The following BCAR3 variants were observed in gnomAD, a reference collection of about 807,000 sequenced individuals.
BCAR3 encodes the protein BCAR3 adaptor protein, NSP family member.
A neutral mutation model predicts 80.1 loss-of-function variants in BCAR3; 37 were observed. The observed-to-expected ratio is 0.46, with a 90% CI of 0.36 to 0.61. BCAR3 has a LOEUF of 0.61. BCAR3 is among the 20% of genes least tolerant of loss of function. The probability of loss-of-function intolerance (pLI) is 0.00; values close to 1 mark genes in which losing one functional copy is unlikely to be tolerated. For missense variants in BCAR3, 978 were observed against 1,068.2 expected, an observed-to-expected ratio of 0.92 and a Z score of 1.18; for synonymous variants, 389 against 418.9, an observed-to-expected ratio of 0.93 and a Z score of 0.87.
At chr1:93,676,309 G>A (rs1307557573) in intron 1 of BCAR3, among the ~76,000 whole-genome samples, 5 of 152,184 alleles carry the variant, frequency 3.3e-5, no homozygotes, top group African/African-American at 7.2e-5. Context: ...ACATTAGAGT[G>A]TGTAAAGAAA....
intron 3 of BCAR3, among the ~76,000 whole-genome samples, chr1:93,691,126 A>G (rs1206387839): frequency 6.6e-6 from 1 of 152,202 alleles, no homozygotes; most frequent in Non-Finnish European, 1.5e-5. Context: ...AGCAAATTAC[A>G]TAGCAGAGCC....
intron 2 of BCAR3, among the ~76,000 whole-genome samples, chr1:93,659,330 G>T (rs530868927): frequency 1.3e-5 from 2 of 151,920 alleles, no homozygotes; most frequent in African/African-American, 4.8e-5. Context: ...GACTACAATC[G>T]CATGCCACCA....
chr1:93,818,149 T>C (rs2100814612), intron 2 of BCAR3, among the ~76,000 whole-genome samples: 1 of 152,370 alleles, frequency 6.6e-6, no homozygotes, highest in South Asian at 2.1e-4. Flanking sequence ...TATAAGCTCT[T>C]TGAGTGCCAA....
chr1:93,756,816 CAG>C (rs1651763800), intron 2 of BCAR3, among the ~76,000 whole-genome samples: 1 of 152,212 alleles, frequency 6.6e-6, no homozygotes, highest in Admixed American at 6.5e-5. Flanking sequence ...CAACAGCACT[CAG>C]AGAGTCTCAT....
At chr1:93,659,572 T>C (rs965124031) in intron 2 of BCAR3, among the ~76,000 whole-genome samples, 10 of 151,904 alleles carry the variant, frequency 6.6e-5, no homozygotes, top group Admixed American at 6.6e-4. Context: ...ATATATTATA[T>C]ATATGGTTAC....
At chr1:93,762,451 T>G (rs759745917) in intron 2 of BCAR3, among the ~76,000 whole-genome samples, 14 of 152,238 alleles carry the variant, frequency 9.2e-5, no homozygotes, top group Middle Eastern at 3.4e-3. Flanking sequence ...TGAGAGCTCG[T>G]GTACACCCAG....
chr1:93,611,425 G>A (rs544161999), intron 3 of BCAR3, among the ~76,000 whole-genome samples: 1 of 152,286 alleles, frequency 6.6e-6, no homozygotes, highest in South Asian at 2.1e-4. Context: ...TCCATTACAA[G>A]TTTCTTTCCA....
intron 2 of BCAR3, among the ~76,000 whole-genome samples, chr1:93,707,145 A>C (rs892636739): frequency 5.9e-5 from 9 of 152,182 alleles, no homozygotes; most frequent in African/African-American, 2.2e-4. Flanking sequence ...ATTACACTAC[A>C]GCCTAGGTGA....
intron 2 of BCAR3, among the ~76,000 whole-genome samples, chr1:93,735,966 A>C (rs1023947592): frequency 2.6e-5 from 4 of 152,192 alleles, no homozygotes; most frequent in African/African-American, 9.7e-5. Flanking sequence ...TTCCTAAATA[A>C]GGTATTTGGA....
chr1:93,752,618 C>T (rs997832553), intron 2 of BCAR3, among the ~76,000 whole-genome samples: 2 of 152,208 alleles, frequency 1.3e-5, no homozygotes, highest in Non-Finnish European at 2.9e-5. Flanking sequence ...GGTATCATTG[C>T]TCTCATTTGC....
rs979486582 is a variant in BCAR3, at chr1:93,614,065, G to A, written c.358-21672C>T. ...GAAGTCAGGGAAGTCGGCAGCCGGG[G>A]GAGTGAGTCGGCTCCTTCTCCCAGG... On this transcript the variant is annotated intron_variant, in intron 3 of 11. Transcript: ENST00000260502. 32 of 1,439,712 alleles carry A rather than the reference G, an allele frequency of 2.2e-5. No homozygotes were observed. In the East Asian group the frequency reaches 7.9e-4, roughly 35 times the overall value. The allele number at this position is 1,439,712 out of a possible 1,614,324, so 89.2% of individuals were successfully genotyped here. A position where few individuals can be genotyped will look rare whatever the true frequency, so the allele number is the denominator to read the frequency against.
At chr1:93,577,028 C>T (rs1328188351) in intron 7 of BCAR3, among the ~76,000 whole-genome samples, 1 of 152,136 alleles carries the variant, frequency 6.6e-6, no homozygotes, top group African/African-American at 2.4e-5. Flanking sequence ...GTGGTGTGTG[C>T]CTGCAGTCCT....
chr1:93,672,253 C>G (rs951499700), intron 2 of BCAR3, among the ~76,000 whole-genome samples: 4 of 152,300 alleles, frequency 2.6e-5, no homozygotes, highest in Admixed American at 6.5e-5. Flanking sequence ...GGCAGCTTGA[C>G]AGCTTGGACC....
chr1:93,767,428 G>A (rs890720195), intron 2 of BCAR3, among the ~76,000 whole-genome samples: 3 of 151,922 alleles, frequency 2.0e-5, no homozygotes, highest in African/African-American at 7.3e-5. Flanking sequence ...GGAGACTGAG[G>A]TGGGAGGATC....
At chr1:93,700,008 G>A (rs892848743) in intron 3 of BCAR3, among the ~76,000 whole-genome samples, 5 of 152,058 alleles carry the variant, frequency 3.3e-5, no homozygotes, top group Admixed American at 3.3e-4. Context: ...ATGAGCCCAG[G>A]GAGGTGAGGG....
intron 2 of BCAR3, among the ~76,000 whole-genome samples, chr1:93,775,624 A>G (rs1336840806): frequency 1.3e-5 from 2 of 152,204 alleles, no homozygotes; most frequent in African/African-American, 4.8e-5. Flanking sequence ...AATCACTGGA[A>G]AAAAAGTGCC....
At chr1:93,693,115 A>G (rs1321128828) in intron 3 of BCAR3, among the ~76,000 whole-genome samples, 1 of 152,102 alleles carries the variant, frequency 6.6e-6, no homozygotes, top group Non-Finnish European at 1.5e-5. Flanking sequence ...ACTGACTCAG[A>G]ACCCACATTT....
intron 2 of BCAR3, among the ~76,000 whole-genome samples, chr1:93,837,143 G>A (rs980323756): frequency 2.0e-5 from 3 of 152,160 alleles, no homozygotes; most frequent in African/African-American, 7.2e-5. Flanking sequence ...GCTTGAACCC[G>A]GGAGGCAGGG....
intron 2 of BCAR3, among the ~76,000 whole-genome samples, chr1:93,822,236 G>T (rs1448581450): frequency 6.6e-6 from 1 of 150,850 alleles, no homozygotes; most frequent in African/African-American, 2.4e-5. Context: ...GGAGTGCAGT[G>T]GTGTGATCTC....
Sources: gnomAD v4.1 joint callset for allele counts (sites outside exome capture counted in the v4.1 genomes callset) on GRCh38, gnomAD v4.1.1 for gene constraint, MANE v1.5 for transcripts, NCBI Gene and HGNC (gene_info 2026-07-23, HGNC 2026-07-21) for gene names.